TRAPPC9: variants seen among roughly 807,000 people sequenced by gnomAD.
TRAPPC9 encodes IKK2 binding protein.
Under a neutral mutation model 124.0 loss-of-function variants are expected in TRAPPC9, and 83 were observed. The observed-to-expected ratio is 0.67, with a 90% CI of 0.56 to 0.80. TRAPPC9 has a LOEUF of 0.80. Ranked by LOEUF, TRAPPC9 falls within the 30% of genes least tolerant of loss-of-function variation. The pLI is 0.00. For missense variants in TRAPPC9, 1,302 were observed against 1,508.3 expected (o/e 0.86, Z 2.27); for synonymous variants, 638 against 617.5 (o/e 1.03, Z -0.49).
chr8:140,179,731 A>AT (rs898875478), intron 17 of TRAPPC9, among the ~76,000 whole-genome samples: 1 of 152,044 alleles, frequency 6.6e-6, no homozygotes, highest in African/African-American at 2.4e-5. Flanking sequence ...TATTTGCTTC[A>AT]TGCATGTTGA....
chr8:140,224,015 T>A (rs1043996991), intron 16 of TRAPPC9, among the ~76,000 whole-genome samples: 1 of 152,118 alleles, frequency 6.6e-6, no homozygotes, highest in African/African-American at 2.4e-5. Flanking sequence ...AACTGATCTG[T>A]TTCTGTTGGT....
intron 21 of TRAPPC9, among the ~76,000 whole-genome samples, chr8:139,866,424 C>T (rs1249908289): frequency 6.6e-6 from 1 of 152,144 alleles, no homozygotes; most frequent in African/African-American, 2.4e-5. Context: ...GGAGGGCATC[C>T]ACACAGTGGG....
chr8:140,318,453 C>A (rs1354333178), intron 9 of TRAPPC9, among the ~76,000 whole-genome samples: 1 of 152,142 alleles, frequency 6.6e-6, no homozygotes, highest in Admixed American at 6.5e-5. Flanking sequence ...CCATGCTGTG[C>A]AACAGATCTC....
chr8:140,020,149 C>A (rs1028431604), intron 18 of TRAPPC9, among the ~76,000 whole-genome samples: 5 of 152,068 alleles, frequency 3.3e-5, no homozygotes, highest in African/African-American at 1.2e-4. Flanking sequence ...ACCCTAGTTA[C>A]AATTTATTAA....
intron 17 of TRAPPC9, among the ~76,000 whole-genome samples, chr8:140,103,224 C>T (rs1054787831): frequency 1.3e-5 from 2 of 152,190 alleles, no homozygotes; most frequent in African/African-American, 2.4e-5. Flanking sequence ...CAATTGTTTA[C>T]GAGCTTCCCT....
intron 18 of TRAPPC9, among the ~76,000 whole-genome samples, chr8:140,022,004 C>T (rs1050832460): frequency 2.6e-5 from 4 of 152,196 alleles, no homozygotes; most frequent in Admixed American, 2.0e-4. Flanking sequence ...AAGTATGGGA[C>T]TGGGGCAAAG....
chr8:140,035,777 G>C lies in TRAPPC9; in HGVS notation c.2557-11698C>G, dbSNP rs114998733. Among the ~76,000 whole-genome samples, 566 of 152,284 alleles carry C rather than the reference G, an allele frequency of 3.7e-3. 6 individuals carry two copies. The highest frequency in any genetic ancestry group is 0.013 in the African/African-American group (539 of 41,560). On this transcript the variant is annotated intron_variant, in intron 17 of 22. Transcript: ENST00000438773. Reference sequence around the variant, plus strand: ...GGGCACTGTGACTTCACCGGGAATCGGCCTGAAGAAGCGTCTTTCGATGCC... The same window carrying C: ...GGGCACTGTGACTTCACCGGGAATCCGCCTGAAGAAGCGTCTTTCGATGCC...
chr8:140,109,745 T>G (rs538581464), intron 17 of TRAPPC9, among the ~76,000 whole-genome samples: 9 of 152,242 alleles, frequency 5.9e-5, no homozygotes, highest in Admixed American at 2.6e-4. Context: ...AAAAATTCCT[T>G]TCCTCATTTG....
intron 10 of TRAPPC9, among the ~76,000 whole-genome samples, chr8:140,308,880 C>T (rs1183042492): frequency 2.3e-5 from 3 of 130,744 alleles, no homozygotes; most frequent in African/African-American, 8.4e-5. Flanking sequence ...GATTACAACT[C>T]AAAAAAAAAA....
intron 9 of TRAPPC9, among the ~76,000 whole-genome samples, chr8:140,336,210 G>A (rs1394448520): frequency 6.6e-6 from 1 of 152,118 alleles, no homozygotes; most frequent in Non-Finnish European, 1.5e-5. Flanking sequence ...GAGGTCACGG[G>A]ACTTAACAAT....
At chr8:139,805,909 G>A (rs1824013984) in intron 21 of TRAPPC9, among the ~76,000 whole-genome samples, 1 of 152,226 alleles carries the variant, frequency 6.6e-6, no homozygotes, top group South Asian at 2.1e-4. Flanking sequence ...TAAAAGCCTG[G>A]TTAAGGCTAA....
chr8:139,826,384 G>A (rs1333583757), intron 21 of TRAPPC9, among the ~76,000 whole-genome samples: 1 of 152,202 alleles, frequency 6.6e-6, no homozygotes, highest in East Asian at 1.9e-4. Context: ...TCAGCAGATG[G>A]GGGCTGCAGG....
chr8:140,276,592 T>C (rs576025186), intron 14 of TRAPPC9, among the ~76,000 whole-genome samples: 4 of 152,298 alleles, frequency 2.6e-5, no homozygotes, highest in East Asian at 1.9e-4. Context: ...ACAAAACTAA[T>C]TGTCCTGGTT....
At chr8:140,295,464 G>A (rs1054689885) in intron 11 of TRAPPC9, among the ~76,000 whole-genome samples, 3 of 152,140 alleles carry the variant, frequency 2.0e-5, no homozygotes, top group South Asian at 4.2e-4. Flanking sequence ...AGGCCACCAC[G>A]CTGCCTCTGG....
At chr8:139,737,135 G>A (rs1479649995) in intron 21 of TRAPPC9, among the ~76,000 whole-genome samples, 2 of 152,214 alleles carry the variant, frequency 1.3e-5, no homozygotes, top group South Asian at 2.1e-4. Flanking sequence ...TCTGTGGCCC[G>A]CGCAGGGGCT....
At chr8:139,764,604 G>C (rs1820461259) in intron 21 of TRAPPC9, among the ~76,000 whole-genome samples, 1 of 152,186 alleles carries the variant, frequency 6.6e-6, no homozygotes, top group South Asian at 2.1e-4. Context: ...CTGTCTTACT[G>C]TGGCCTCAGT....
intron 17 of TRAPPC9, among the ~76,000 whole-genome samples, chr8:140,071,319 C>T (rs1843148569): frequency 6.6e-6 from 1 of 152,232 alleles, no homozygotes; most frequent in Non-Finnish European, 1.5e-5. Context: ...GTCTCGCTCT[C>T]ACTCCAGCGG....
intron 9 of TRAPPC9, among the ~76,000 whole-genome samples, chr8:140,327,278 G>A (rs1235208158): frequency 2.0e-5 from 3 of 152,176 alleles, no homozygotes; most frequent in South Asian, 2.1e-4. Flanking sequence ...GACAAGACAA[G>A]AATCATCTGA....
At chr8:140,100,262 A>G (rs977473016) in intron 17 of TRAPPC9, 2 of 151,756 alleles carry the variant, frequency 1.3e-5, no homozygotes, top group Non-Finnish European at 2.9e-5. Flanking sequence ...ATACGCAGCT[A>G]GGTCTCAGTG....
Sources: allele counts gnomAD v4.1 joint callset (sites outside exome capture counted in the v4.1 genomes callset), GRCh38; gene constraint gnomAD v4.1.1; transcripts MANE v1.5; gene names NCBI Gene and HGNC (gene_info 2026-07-23, HGNC 2026-07-21).